Variants in MGAM observed in about 807,000 individuals in gnomAD.
The protein encoded by MGAM is maltase-glucoamylase, also known as alpha-1,4-glucosidase.
In MGAM, 253 loss-of-function variants were observed where a neutral mutation model predicts 358.8. The ratio of observed to expected loss-of-function variants is 0.71; its 90% CI spans 0.64 to 0.78. The LOEUF is 0.78. Among genes scored for constraint, MGAM ranks in the 30% least tolerant of loss-of-function variants. The probability of loss-of-function intolerance (pLI) is 0.00; values close to 1 mark genes in which losing one functional copy is unlikely to be tolerated. For synonymous variants in MGAM, 1,105 were observed against 1,227.1 expected (o/e 0.90, Z 2.08); for missense variants, 3,080 against 3,432.6 (o/e 0.90, Z 2.57).
chr7:142,050,201 G>T, intron 22 of MGAM, 34 bp from the exon 23 acceptor site: 1 of 1,610,862 alleles, frequency 6.2e-7, no homozygotes, highest in Non-Finnish European at 8.5e-7. Flanking sequence ...AGGTGGGCAG[G>T]CCAGAATCTG....
intron 44 of MGAM, among the ~76,000 whole-genome samples, chr7:142,071,351 A>AG: frequency 6.8e-6 from 1 of 146,766 alleles, no homozygotes; most frequent in East Asian, 2.0e-4. Context: ...TAAGAATGTC[A>AG]TTTTTTAAAT....
At position 142,087,139 on chromosome 7, in the gene MGAM, T is replaced by A. The variant is rs535223838; in HGVS notation, c.6810+422T>A. On this transcript the variant is annotated intron_variant, in intron 57 of 70. Transcript: ENST00000475668. ...AACAGTCTTCTAACCTCAAAGACTG[T>A]TTAGGTCTTTTTTTGGTGTATCTTT... is the stretch of plus-strand genomic sequence containing the variant. Among the ~76,000 whole-genome samples the A allele has an allele frequency of 9.0e-5, 13 of 144,444 alleles. No individual in the cohort carries two copies. In the South Asian group the frequency reaches 2.2e-3, roughly 25 times the overall value. The allele number at this position is 144,444 out of a possible 152,430, so 94.8% of individuals were successfully genotyped here.
intron 24 of MGAM, among the ~76,000 whole-genome samples, chr7:142,051,593 T>C (rs1810957275): frequency 6.6e-6 from 1 of 152,144 alleles, no homozygotes; most frequent in African/African-American, 2.4e-5. Context: ...ATTGGAGTCT[T>C]TGGGCTTAGA....
At chr7:142,091,351 G>A (rs904073943) in intron 57 of MGAM, among the ~76,000 whole-genome samples, 14 of 145,934 alleles carry the variant, frequency 9.6e-5, no homozygotes, top group African/African-American at 2.4e-4. Flanking sequence ...AGGGGAAGTT[G>A]AAATGTCCTC....
intron 2 of MGAM, among the ~76,000 whole-genome samples, chr7:141,989,419 C>T (rs925375064): frequency 2.6e-5 from 4 of 152,170 alleles, no homozygotes; most frequent in East Asian, 3.9e-4. Context: ...TACTCATGAT[C>T]ATCCCTGATT....
At chr7:142,034,425 A>G (rs951991519) in intron 15 of MGAM, 46 bp downstream of exon 15, 1 of 1,298,262 alleles carries the variant, frequency 7.7e-7, no homozygotes, top group Non-Finnish European at 1.1e-6. Context: ...AATATAAAGA[A>G]TATATATATG....
rs367671193 is a variant in MGAM at position 142,027,102 on chromosome 7, T to C, written c.983-13T>C. 2 of 1,590,316 alleles carry C rather than the reference T, an allele frequency of 1.3e-6. No homozygotes were observed. The highest frequency in any genetic ancestry group is 1.7e-6 in the Non-Finnish European group (2 of 1,159,674). On this transcript the variant is annotated splice_polypyrimidine_tract_variant and intron_variant, in intron 8 of 70. Coordinates refer to ENST00000475668, the MANE Select transcript of MGAM (RefSeq NM_001365693.1). ...ATTCTGATTTTTATTTTCTTCATTTTTAACCTTTCAAGAGGTTGTCCTTCA... is the reference window on the plus strand; with the variant it reads ...ATTCTGATTTTTATTTTCTTCATTTCTAACCTTTCAAGAGGTTGTCCTTCA...
chr7:142,020,707 C>A (rs797037459), intron 4 of MGAM, among the ~76,000 whole-genome samples: 1 of 150,418 alleles, frequency 6.6e-6, no homozygotes. Context: ...TGAAGCAATT[C>A]TCCTGCCTAC....
intron 21 of MGAM, among the ~76,000 whole-genome samples, chr7:142,041,965 ATATATT>A (rs1563145049): frequency 0.033 from 827 of 24,720 alleles, 25 homozygotes; most frequent in Middle Eastern, 0.079. Context: ...TATAATATAT[ATATATT>A]ATATATATAT....
At chr7:142,060,001 C>G (rs1811965934) in intron 33 of MGAM, 35 bp downstream of exon 33, 2 of 1,560,084 alleles carry the variant, frequency 1.3e-6, no homozygotes, top group African/African-American at 1.4e-5. Context: ...TAGTCCCCAG[C>G]CTGAGGGTGG....
At chr7:142,050,941 A>C (rs1302577828) in intron 24 of MGAM, 77 bp downstream of exon 24, 1 of 1,599,784 alleles carries the variant, frequency 6.3e-7, no homozygotes, top group Non-Finnish European at 8.6e-7. Flanking sequence ...CCAAGTTTGC[A>C]TGGGTCCCTG....
At chr7:142,044,451 T>A (rs1478626642) in intron 21 of MGAM, among the ~76,000 whole-genome samples, 4 of 139,514 alleles carry the variant, frequency 2.9e-5, no homozygotes, top group Non-Finnish European at 4.6e-5. Flanking sequence ...ATGAATATTA[T>A]ATACACATAC....
Position 142,020,991 on chromosome 7 carries a change from A to G in MGAM, c.466A>G (p.Lys156Glu). 6.2e-7 allele frequency: 1 copy of G among 1,613,226 alleles called. No individual in the cohort carries two copies. Among genetic ancestry groups the G allele is most frequent in the South Asian group, 1.1e-5 (1 of 91,034 alleles). Residue 156 changes from lysine (K) to glutamate (E), a missense_variant, in exon 5 of 71, where the codon AAA (lysine) becomes GAA (glutamate). Transcript: ENST00000475668. ...TATGTTAGGATTCACAGCCCGGTTGAAAAATCTGCCTTCTTCACCAGTGTT... is the reference window on the plus strand; with the variant it reads ...TATGTTAGGATTCACAGCCCGGTTGGAAAATCTGCCTTCTTCACCAGTGTT... ...NTNAGFTARL[K>E]NLPSSPVFGS...
chr7:142,100,854 G>C lies in MGAM; in HGVS notation c.7927G>C (p.Gly2643Arg), dbSNP rs768304137. ...TGCCTTGGATGATGAAGGAACTGCT[G>C]GGGGCTGGCTCTTCTGGGATGATGG... is the stretch of plus-strand genomic sequence containing the variant. ...KIALDDEGTA[G>R]GWLFWDDGQS... The change falls in exon 68 of 71, where the codon GGG becomes CGG. Residue 2643 changes from glycine (G) to arginine (R), a missense_variant. This residue lies in a region of MGAM where 194 missense variants were observed against 172.8 expected (regional missense o/e 1.12). Coordinates refer to ENST00000475668, the MANE Select transcript of MGAM (RefSeq NM_001365693.1). The C allele has an allele frequency of 4.3e-6, 7 of 1,613,214 alleles. No homozygotes were observed. In the South Asian group the frequency reaches 7.7e-5, roughly 18 times the overall value.
chr7:142,055,682 G>A lies in MGAM; in HGVS notation c.3439G>A (p.Glu1147Lys), dbSNP rs1585023039. The change falls in exon 28 of 71, where the codon GAG (glutamate) becomes AAG (lysine). Residue 1147 changes from glutamate to lysine, a missense_variant. Physicochemically the swap from Glu to Lys is moderately conservative, Grantham distance 56 (BLOSUM62 1). This residue lies in a region of MGAM where 1,816 missense variants were observed against 1,840.5 expected (regional missense o/e 0.99). Coordinates refer to ENST00000475668, the MANE Select transcript of MGAM (RefSeq NM_001365693.1). The part of the protein sequence containing the change: ...TEHRSYRRDL[E>K]WHTWGMFSRD... ...GCACAGGTCCTATAGGAGAGACTTGGAGTGGCACACTTGGGGGATGTTCTC... is the reference window on the plus strand; with the variant it reads ...GCACAGGTCCTATAGGAGAGACTTGAAGTGGCACACTTGGGGGATGTTCTC... 1 of 1,613,922 alleles carries A rather than the reference G, an allele frequency of 6.2e-7. No individual in the cohort carries two copies. The highest frequency in any genetic ancestry group is 8.5e-7 in the Non-Finnish European group (1 of 1,179,870).
At chr7:142,088,822 C>CATCTATCTATCTATCTATCTATCTATCT (rs71166559) in intron 57 of MGAM, among the ~76,000 whole-genome samples, 1 of 124,744 alleles carries the variant, frequency 8.0e-6, no homozygotes, top group Admixed American at 8.5e-5. Flanking sequence ...ATCTATGTAC[C>CATCTATCTATCTATCTATCTATCTATCT]ATCTATCTAT....
At chr7:142,020,411 G>C (rs1176421666) in intron 4 of MGAM, among the ~76,000 whole-genome samples, 1 of 152,012 alleles carries the variant, frequency 6.6e-6, no homozygotes, top group African/African-American at 2.4e-5. Context: ...CTTATTGGGG[G>C]AGGTTTTCAA....
At chr7:142,081,165 T>C (rs1473864662) in intron 50 of MGAM, among the ~76,000 whole-genome samples, 5 of 146,440 alleles carry the variant, frequency 3.4e-5, no homozygotes, top group African/African-American at 1.2e-4. Context: ...CCAACAAATG[T>C]TTATGGGGTG....
At position 142,095,789 on chromosome 7, in the gene MGAM, A is replaced by G; in HGVS notation, c.7607+76A>G. The G allele has an allele frequency of 6.3e-6, 10 of 1,578,616 alleles. No individual in the cohort carries two copies. In the South Asian group the frequency reaches 1.0e-4, roughly 16 times the overall value. ...TATATGGTGACAGTTGAATTCTTCCAAATTAAAGACATGATTGCCTTTTGA... is the reference window on the plus strand; with the variant it reads ...TATATGGTGACAGTTGAATTCTTCCGAATTAAAGACATGATTGCCTTTTGA... On this transcript the variant is annotated intron_variant, in intron 64 of 70. Transcript: ENST00000475668.
Sources: gnomAD v4.1 joint callset for allele counts (sites outside exome capture counted in the v4.1 genomes callset) on GRCh38, gnomAD v4.1.1 for gene constraint, gnomAD v4.1.1 regional missense constraint, MANE v1.5 for transcripts, NCBI Gene and HGNC (gene_info 2026-07-23, HGNC 2026-07-21) for gene names.